KCNQ1: variants seen among roughly 807,000 people sequenced by gnomAD.
KCNQ1 encodes the protein potassium voltage-gated channel subfamily KQT member 1.
KCNQ1 carries 49 observed loss-of-function variants against 72.4 expected under a neutral mutation model. The observed-to-expected ratio is 0.68, with a 90% CI of 0.54 to 0.86. The LOEUF is 0.86. KCNQ1 is among the 40% of genes least tolerant of loss of function. The probability of loss-of-function intolerance (pLI) is 0.00; values close to 1 mark genes in which losing one functional copy is unlikely to be tolerated. For missense variants in KCNQ1, 790 were observed against 945.1 expected, an observed-to-expected ratio of 0.84 and a Z score of 2.15; for synonymous variants, 450 against 412.6, an observed-to-expected ratio of 1.09 and a Z score of -1.10.
chr11:2,702,587 A>T (rs569968910), intron 11 of KCNQ1, among the ~76,000 whole-genome samples: 1 of 152,346 alleles, frequency 6.6e-6, no homozygotes, highest in Non-Finnish European at 1.5e-5. Flanking sequence ...GACATATCTT[A>T]CAAGTAGTTG....
At chr11:2,636,669 G>T (rs1166420844) in intron 10 of KCNQ1, 11 of 152,064 alleles carry the variant, frequency 7.2e-5, no homozygotes, top group Admixed American at 1.3e-4. Context: ...GTCTCTGCCA[G>T]GCTTTGGTAT....
intron 15 of KCNQ1, among the ~76,000 whole-genome samples, chr11:2,835,046 G>A (rs1848031643): frequency 6.6e-6 from 1 of 152,060 alleles, no homozygotes; most frequent in South Asian, 2.1e-4. Context: ...GCCAGAAGCG[G>A]GGGAGGGAGG....
intron 2 of KCNQ1, among the ~76,000 whole-genome samples, chr11:2,545,338 A>G (rs1847889856): frequency 6.6e-6 from 1 of 152,300 alleles, no homozygotes; most frequent in South Asian, 2.1e-4. Flanking sequence ...GAGTTTGTGT[A>G]GAATTGGTCT....
rs949684617 is a variant in KCNQ1, at chr11:2,787,416, A to G, written c.1794+9379A>G. Among the ~76,000 whole-genome samples, 2 of 152,086 alleles carry G rather than the reference A, an allele frequency of 1.3e-5. No individual in the cohort carries two copies. Among genetic ancestry groups the G allele is most frequent in the African/African-American group, 4.8e-5 (2 of 41,406 alleles). ...AAAGCTCAAGTTCATCTCACTCATC[A>G]AATACCTTCAGGGCCCCTATTACCT... On this transcript the variant is annotated intron_variant, in intron 15 of 15. Transcript: ENST00000155840. The surrounding 1 kb of genome is among the most constrained non-coding windows in gnomAD (Gnocchi z 6.3).
Position 2,588,197 on chromosome 11 carries a change from G to T in KCNQ1, c.1251+505G>T, listed in dbSNP as rs116665943. ...GGGGTCATAAGGGGTTGGGGCTGACGCTGGCATGGTTCCCCTTCCTGGCCC... is the reference window on the plus strand; with the variant it reads ...GGGGTCATAAGGGGTTGGGGCTGACTCTGGCATGGTTCCCCTTCCTGGCCC... On this transcript the variant is annotated intron_variant, in intron 9 of 15. Transcript: ENST00000155840. The surrounding 1 kb of genome is among the most constrained non-coding windows in gnomAD (Gnocchi z 5.6). Among the ~76,000 whole-genome samples, 990 of 152,162 alleles carry T rather than the reference G, an allele frequency of 6.5e-3. 8 individuals carry two copies. Among genetic ancestry groups the T allele is most frequent in the African/African-American group, 0.022 (906 of 41,488 alleles).
Position 2,784,390 on chromosome 11 carries a change from C to T in KCNQ1, c.1794+6353C>T, listed in dbSNP as rs1324295293. Among the ~76,000 whole-genome samples the T allele has an allele frequency of 6.6e-6, 1 of 151,794 alleles. No individual in the cohort carries two copies. The highest frequency in any genetic ancestry group is 1.5e-5 in the Non-Finnish European group (1 of 67,808). On this transcript the variant is annotated intron_variant, in intron 15 of 15. Coordinates refer to ENST00000155840, the MANE Select transcript of KCNQ1 (RefSeq NM_000218.3). The surrounding 1 kb of genome is among the most constrained non-coding windows in gnomAD (Gnocchi z 4.7). ...ATATGCCTTTCTGTAAGTCTATATG[C>T]CTTTCTGTAAACCCATACTATACTG...
rs1846833800 is a variant in KCNQ1 at position 2,782,123 on chromosome 11, G to T, written c.1794+4086G>T. On this transcript the variant is annotated intron_variant, in intron 15 of 15. Transcript: ENST00000155840. This position sits in a 1 kb window ranked among gnomAD's most constrained non-coding sequence, Gnocchi z 6.1. ...ACCAGGCCACAAGCTGGACCCCAAG[G>T]CTTTTTTGTCTTGGGCAGTTCCCCG... Among the ~76,000 whole-genome samples the T allele has an allele frequency of 2.0e-5, 3 of 152,202 alleles. No homozygotes were observed. Among genetic ancestry groups the T allele is most frequent in the Middle Eastern group, 6.8e-3 (2 of 294 alleles).
intron 4 of KCNQ1, 24 bp downstream of exon 4, chr11:2,571,427 C>T (rs766116431): frequency 1.6e-5 from 25 of 1,595,442 alleles, no homozygotes; most frequent in Non-Finnish European, 2.1e-5. Context: ...ACAAGCTCCC[C>T]CCGCCATGCC....
At chr11:2,533,484 G>A (rs1010124683) in intron 2 of KCNQ1, among the ~76,000 whole-genome samples, 3 of 152,226 alleles carry the variant, frequency 2.0e-5, no homozygotes, top group Non-Finnish European at 4.4e-5. Flanking sequence ...GTGTGTGCAC[G>A]TGTGTACGTA....
In KCNQ1 at chr11:2,651,734, C is replaced by T. The variant is rs1310099595; in HGVS notation, c.1394-10227C>T. On this transcript the variant is annotated intron_variant, in intron 10 of 15. Transcript: ENST00000155840. The surrounding 1 kb of genome is among the most constrained non-coding windows in gnomAD (Gnocchi z 6.1). Reference sequence around the variant, plus strand: ...AGTAAGCATCATCCTCATTTCTATACGTTTTCTCTGATTACTGGAAATTCC... The same window carrying T: ...AGTAAGCATCATCCTCATTTCTATATGTTTTCTCTGATTACTGGAAATTCC... 14 of 398,628 alleles carry T rather than the reference C, an allele frequency of 3.5e-5. No homozygotes were observed. Among genetic ancestry groups the T allele is most frequent in the East Asian group, 1.8e-4 (5 of 28,076 alleles). 24.7% of individuals were successfully genotyped at this position (398,628 alleles called of 1,614,324 possible).
chr11:2,734,410 C>T lies in KCNQ1; in HGVS notation c.1515-34434C>T, dbSNP rs1029911921. Among the ~76,000 whole-genome samples, 2 of 152,248 alleles carry T rather than the reference C, an allele frequency of 1.3e-5. No individual in the cohort carries two copies. Among genetic ancestry groups the T allele is most frequent in the Non-Finnish European group, 2.9e-5 (2 of 68,046 alleles). ...AAGCTTCACAGCCCCCCGGCCACCGCAGGTCGGGGGAGCACTGTCCCCGGG... is the reference window on the plus strand; with the variant it reads ...AAGCTTCACAGCCCCCCGGCCACCGTAGGTCGGGGGAGCACTGTCCCCGGG... On this transcript the variant is annotated intron_variant, in intron 11 of 15. Transcript: ENST00000155840. This position sits in a 1 kb window ranked among gnomAD's most constrained non-coding sequence, Gnocchi z 7.0.
At chr11:2,629,652 T>C (rs1330248764) in intron 10 of KCNQ1, 3 of 398,456 alleles carry the variant, frequency 7.5e-6, no homozygotes, top group Non-Finnish European at 8.9e-6. Flanking sequence ...TATGAAAGGA[T>C]TTATTTGGGA....
intron 1 of KCNQ1, among the ~76,000 whole-genome samples, chr11:2,513,007 C>A (rs1285273558): frequency 6.6e-6 from 1 of 152,132 alleles, no homozygotes; most frequent in African/African-American, 2.4e-5. Flanking sequence ...GGAGAGTTGG[C>A]GGCTCAGGAA....
rs985736604 is a variant in KCNQ1 at position 2,817,158 on chromosome 11, G to A, written c.1795-30609G>A. Among the ~76,000 whole-genome samples, 16 of 152,216 alleles carry A rather than the reference G, an allele frequency of 1.1e-4. No individual in the cohort carries two copies. In the East Asian group the frequency reaches 2.1e-3, roughly 20 times the overall value. ...GCTCTGCTCCACAGGCCAACTCTGC[G>A]CACGCTCCTTTCAAGGGTTAACGGT... On this transcript the variant is annotated intron_variant, in intron 15 of 15. Coordinates refer to ENST00000155840, the MANE Select transcript of KCNQ1 (RefSeq NM_000218.3). This position sits in a 1 kb window ranked among gnomAD's most constrained non-coding sequence, Gnocchi z 6.1.
chr11:2,626,577 G>A lies in KCNQ1; in HGVS notation c.1394-35384G>A. The A allele has an allele frequency of 2.5e-6, 1 of 398,614 alleles. No homozygotes were observed. Among genetic ancestry groups the A allele is most frequent in the Non-Finnish European group, 4.4e-6 (1 of 226,086 alleles). The allele number at this position is 398,614 out of a possible 1,614,324, so 24.7% of individuals were successfully genotyped here. A position where few individuals can be genotyped will look rare whatever the true frequency, so the allele number is the denominator to read the frequency against. On this transcript the variant is annotated intron_variant, in intron 10 of 15. Transcript: ENST00000155840. The surrounding 1 kb of genome is among the most constrained non-coding windows in gnomAD (Gnocchi z 4.0). ...ACATTCTTACTCTGTTGCCCACGCT[G>A]GAGTACAGTGGCATTATCACTGCTT...
chr11:2,633,443 G>A (rs10832430), intron 10 of KCNQ1: 117,510 of 398,224 alleles, frequency 0.3, 21,080 homozygotes, highest in East Asian at 0.63. Context: ...TAAAATCTTC[G>A]CTAGACCCAT....
At chr11:2,708,230 A>G (rs1850943985) in intron 11 of KCNQ1, among the ~76,000 whole-genome samples, 1 of 152,158 alleles carries the variant, frequency 6.6e-6, no homozygotes. Flanking sequence ...ACACTTCTTC[A>G]GCAGCCGCTT....
At chr11:2,445,505 C>T (rs1490132722) in intron 1 of KCNQ1, 21 bp downstream of exon 1, 9 of 1,588,108 alleles carry the variant, frequency 5.7e-6, no homozygotes, top group Non-Finnish European at 7.7e-6. Context: ...CCACCGGCGA[C>T]GGCCGGCACG....
Position 2,445,328 on chromosome 11 carries a change from C to T in KCNQ1, c.230C>T (p.Ser77Phe), listed in dbSNP as rs774349962. 1.9e-5 allele frequency: 30 copies of T among 1,578,468 alleles called. No individual in the cohort carries two copies. The highest frequency in any genetic ancestry group is 6.8e-5 in the African/African-American group (5 of 73,786). The change falls in exon 1 of 16, where the codon TCC (serine) becomes TTC (phenylalanine). Residue 77 changes from serine to phenylalanine, a missense_variant. By Grantham distance (155) the Ser-to-Phe change is radical. Around this residue, in one of 5 missense-constraint regions of KCNQ1, gnomAD observed 294 missense variants for 323.3 expected, o/e 0.91. Coordinates refer to ENST00000155840, the MANE Select transcript of KCNQ1 (RefSeq NM_000218.3). Reference protein sequence around the residue: ...PAAPAAPPVASDLGPRPPVSL... With the variant: ...PAAPAAPPVAFDLGPRPPVSL... ...GCGCCCGCCGCGCCCCCAGTTGCCT[C>T]CGACCTTGGCCCGCGGCCGCCGGTG... is the stretch of plus-strand genomic sequence containing the variant.
Sources: allele counts gnomAD v4.1 joint callset (sites outside exome capture counted in the v4.1 genomes callset), GRCh38; gene constraint gnomAD v4.1.1; regional missense constraint gnomAD v4.1.1; non-coding constraint Gnocchi (gnomAD v3.1); transcripts MANE v1.5; gene names NCBI Gene and HGNC (gene_info 2026-07-23, HGNC 2026-07-21).